Variants in ADAMTSL1 observed in about 807,000 individuals in gnomAD.
The protein encoded by ADAMTSL1 is ADAMTS-like protein 1.
In ADAMTSL1, 126 loss-of-function variants were observed where a neutral mutation model predicts 201.8. The observed-to-expected ratio is 0.62, with a 90% CI of 0.54 to 0.72. The LOEUF is 0.72. Among genes scored for constraint, ADAMTSL1 ranks in the 30% least tolerant of loss-of-function variants. The pLI is 0.00. For missense variants in ADAMTSL1, 2,679 were observed against 2,277.8 expected, an observed-to-expected ratio of 1.18 and a Z score of -3.59; for synonymous variants, 1,121 against 903.4, an observed-to-expected ratio of 1.24 and a Z score of -4.32.
rs1331079313 is a variant in ADAMTSL1 at position 18,332,847 on chromosome 9, G to T, written c.207+168866G>T. On this transcript the variant is annotated intron_variant, in intron 2 of 29. Transcript: ENST00000680146. ...GCTGGCAGAGTGAAAAGAGCATAAG[G>T]TTGGGATCCAGACACACCTGAATTT... 3.3e-5 allele frequency among the ~76,000 whole-genome samples: 5 copies of T among 152,206 alleles called. No homozygotes were observed. In the East Asian group the frequency reaches 9.7e-4, roughly 29 times the overall value.
At chr9:18,034,646 A>G (rs1399352347) in intron 1 of ADAMTSL1, among the ~76,000 whole-genome samples, 1 of 152,154 alleles carries the variant, frequency 6.6e-6, no homozygotes, top group East Asian at 1.9e-4. Context: ...CTCTGTGGAT[A>G]TCATTAAGTC....
Position 17,955,282 on chromosome 9 carries a change from C to T in ADAMTSL1, c.87+48360C>T, listed in dbSNP as rs113099681. ...GCTGCATCAACTAAGTGGCTCATCT[C>T]TTCTGGGGACCCAGAATAGGAGAGT... is the stretch of plus-strand genomic sequence containing the variant. On this transcript the variant is annotated intron_variant, in intron 1 of 29. Transcript: ENST00000680146. 3.8e-3 allele frequency among the ~76,000 whole-genome samples: 571 copies of T among 152,244 alleles called. 5 individuals are homozygous for T. Among genetic ancestry groups the T allele is most frequent in the African/African-American group, 0.013 (540 of 41,548 alleles).
chr9:18,523,321 T>C (rs1037825545), intron 2 of ADAMTSL1, among the ~76,000 whole-genome samples: 1 of 152,158 alleles, frequency 6.6e-6, no homozygotes, highest in African/African-American at 2.4e-5. Context: ...GTTTGAATTC[T>C]TTTTAGATTG....
At chr9:18,870,377 A>C (rs1827814616) in intron 23 of ADAMTSL1, among the ~76,000 whole-genome samples, 1 of 152,184 alleles carries the variant, frequency 6.6e-6, no homozygotes, top group Non-Finnish European at 1.5e-5. Flanking sequence ...TTTTGGTCTA[A>C]CAGGCAATTA....
At chr9:18,496,245 G>A (rs181175661) in intron 1 of ADAMTSL1, among the ~76,000 whole-genome samples, 1 of 152,290 alleles carries the variant, frequency 6.6e-6, no homozygotes, top group Non-Finnish European at 1.5e-5. Flanking sequence ...GCAATACTAA[G>A]AGCTTATCAT....
chr9:18,375,164 T>A (rs1837230785), intron 2 of ADAMTSL1, among the ~76,000 whole-genome samples: 1 of 152,208 alleles, frequency 6.6e-6, no homozygotes, highest in Admixed American at 6.5e-5. Context: ...CTCATGGAGC[T>A]CTTCCTCAGT....
At chr9:18,901,497 A>G (rs1310705605) in intron 26 of ADAMTSL1, among the ~76,000 whole-genome samples, 1 of 152,256 alleles carries the variant, frequency 6.6e-6, no homozygotes. Flanking sequence ...AATATACAGC[A>G]TATAGATATA....
intron 13 of ADAMTSL1, among the ~76,000 whole-genome samples, chr9:18,704,422 A>G (rs1377930416): frequency 6.6e-6 from 1 of 152,172 alleles, no homozygotes; most frequent in Non-Finnish European, 1.5e-5. Flanking sequence ...TCTTTTTGAG[A>G]TCTTGCCATC....
intron 2 of ADAMTSL1, among the ~76,000 whole-genome samples, chr9:18,447,917 G>C (rs1176771254): frequency 1.3e-5 from 2 of 152,182 alleles, no homozygotes; most frequent in Non-Finnish European, 1.5e-5. Flanking sequence ...TGTGGGATGT[G>C]AGCAATTTGG....
chr9:18,201,791 A>T (rs970472200), intron 2 of ADAMTSL1, among the ~76,000 whole-genome samples: 1 of 152,128 alleles, frequency 6.6e-6, no homozygotes, highest in Non-Finnish European at 1.5e-5. Context: ...TATGTCTTTG[A>T]ATATGTTATC....
chr9:18,901,942 G>A (rs1213362580), intron 26 of ADAMTSL1, among the ~76,000 whole-genome samples: 1 of 152,026 alleles, frequency 6.6e-6, no homozygotes, highest in East Asian at 1.9e-4. Context: ...GAAAAAATTA[G>A]GTTGAAAGTG....
At chr9:18,556,214 C>G (rs186837379) in intron 3 of ADAMTSL1, among the ~76,000 whole-genome samples, 1 of 151,898 alleles carries the variant, frequency 6.6e-6, no homozygotes, top group East Asian at 1.9e-4. Flanking sequence ...GCCCCTCTGC[C>G]TGTAATTCTA....
intron 2 of ADAMTSL1, among the ~76,000 whole-genome samples, chr9:18,462,479 T>A (rs1400255601): frequency 1.3e-5 from 2 of 152,104 alleles, no homozygotes; most frequent in Non-Finnish European, 2.9e-5. Context: ...CAAACAAATA[T>A]AAATACAAAT....
intron 2 of ADAMTSL1, among the ~76,000 whole-genome samples, chr9:18,213,237 A>T (rs903500415): frequency 4.6e-5 from 7 of 152,198 alleles, no homozygotes; most frequent in African/African-American, 1.2e-4. Flanking sequence ...TAAACTGCTA[A>T]AGCCAGTGAG....
At chr9:18,852,994 G>T (rs1255200313) in intron 23 of ADAMTSL1, among the ~76,000 whole-genome samples, 1 of 152,168 alleles carries the variant, frequency 6.6e-6, no homozygotes, top group Non-Finnish European at 1.5e-5. Context: ...GCCAGGAGCA[G>T]TTTCCTTACT....
At chr9:18,283,933 A>AAAAAAAAAAAAAG in intron 2 of ADAMTSL1, among the ~76,000 whole-genome samples, 1 of 132,400 alleles carries the variant, frequency 7.6e-6, no homozygotes, top group Non-Finnish European at 1.7e-5. Flanking sequence ...AAAAAAAAGA[A>AAAAAAAAAAAAAG]GAAGAAGAAG....
At position 18,076,745 on chromosome 9, in the gene ADAMTSL1, C is replaced by A. The variant is rs918688615; in HGVS notation, c.88-87117C>A. On this transcript the variant is annotated intron_variant, in intron 1 of 29. Coordinates refer to the ADAMTSL1 transcript ENST00000680146. ...GGAGACAGGATTTTGTTGAGTACAT[C>A]GAGGGACTTATATGTGGAGAGGGGC... 2.6e-5 allele frequency among the ~76,000 whole-genome samples: 4 copies of A among 151,944 alleles called. No individual in the cohort carries two copies. The East Asian group carries it at 5.8e-4, about 22-fold the overall frequency.
chr9:18,404,759 A>G (rs921404598), intron 2 of ADAMTSL1, among the ~76,000 whole-genome samples: 6 of 152,164 alleles, frequency 3.9e-5, no homozygotes, highest in African/African-American at 1.4e-4. Flanking sequence ...TCTAGGTGCC[A>G]CCTTTGAGAG....
At chr9:18,878,742 AC>A (rs1197643680) in intron 23 of ADAMTSL1, among the ~76,000 whole-genome samples, 1 of 152,214 alleles carries the variant, frequency 6.6e-6, no homozygotes, top group Non-Finnish European at 1.5e-5. Flanking sequence ...GCAGAAAATC[AC>A]AATGTGAGTC....
Sources: gnomAD v4.1 joint callset for allele counts (sites outside exome capture counted in the v4.1 genomes callset) on GRCh38, gnomAD v4.1.1 for gene constraint, MANE v1.5 for transcripts, NCBI Gene and HGNC (gene_info 2026-07-23, HGNC 2026-07-21) for gene names.